Variants in DYNC1H1 observed in about 807,000 individuals in gnomAD.
DYNC1H1 encodes dynein cytoplasmic 1 heavy chain 1, also known as cytoplasmic dynein 1 heavy chain 1.
A neutral mutation model predicts 527.1 loss-of-function variants in DYNC1H1; 51 were observed. The observed-to-expected ratio is 0.10, with a 90% CI of 0.08 to 0.12. DYNC1H1 has a LOEUF of 0.12. DYNC1H1 is among the 10% of genes least tolerant of loss of function. The pLI is 1.00. For synonymous variants in DYNC1H1, 2,189 were observed against 2,278.8 expected, an observed-to-expected ratio of 0.96 and a Z score of 1.12; for missense variants, 2,771 against 5,971.8, an observed-to-expected ratio of 0.46 and a Z score of 17.66.
At chr14:102,046,712 G>A (rs1157654336) in intron 72 of DYNC1H1, among the ~76,000 whole-genome samples, 1 of 152,160 alleles carries the variant, frequency 6.6e-6, no homozygotes, top group African/African-American at 2.4e-5. Flanking sequence ...AAAGCCGGCC[G>A]GGGCTTGGCC....
intron 18 of DYNC1H1, 115 bp downstream of exon 18, chr14:102,000,514 A>G: frequency 1.1e-6 from 1 of 910,038 alleles, no homozygotes; most frequent in East Asian, 2.6e-5. Context: ...GATGTCATTT[A>G]ATGTCCTGCA....
chr14:101,978,981 G>A (rs2047832545), intron 2 of DYNC1H1, among the ~76,000 whole-genome samples: 2 of 152,198 alleles, frequency 1.3e-5, no homozygotes, highest in South Asian at 4.1e-4. Flanking sequence ...ACCTTAACCA[G>A]TGAGCAACTT....
At position 101,972,745 on chromosome 14, in the gene DYNC1H1, C is replaced by T. The variant is rs546024062; in HGVS notation, c.257-2967C>T. ...TAGAAATGATTCAGAGTTAACAAGC[C>T]ATATTTTTAGTTGCGTCAGTGATTT... is the stretch of plus-strand genomic sequence containing the variant. On this transcript the variant is annotated intron_variant, in intron 1 of 77. Coordinates refer to ENST00000360184, the MANE Select transcript of DYNC1H1 (RefSeq NM_001376.5). Among the ~76,000 whole-genome samples, 6 of 152,210 alleles carry T rather than the reference C, an allele frequency of 3.9e-5. No individual in the cohort carries two copies. The South Asian group carries it at 1.2e-3, about 32-fold the overall frequency.
chr14:102,015,269 G>A lies in DYNC1H1; in HGVS notation c.7179G>A (p.Glu2393=), dbSNP rs759580840. Residue 2393 remains glutamate, a synonymous_variant, in exon 35 of 78, where the codon GAG becomes GAA. Coordinates refer to ENST00000360184, the MANE Select transcript of DYNC1H1 (RefSeq NM_001376.5). This position sits in a 1 kb window ranked among gnomAD's most constrained non-coding sequence, Gnocchi z 6.9. The stretch of plus-strand genomic sequence containing the variant: ...TCCCGCTGGATGAAGGGGAGGATGA[G>A]GCACAGCGGCGGCGTAAGGGCAAAG... The part of the protein sequence containing the change: ...RSIPLDEGED[E]AQRRRKGKED... The A allele has an allele frequency of 3.1e-6, 5 of 1,614,216 alleles. No homozygotes were observed. Among genetic ancestry groups the A allele is most frequent in the South Asian group, 1.1e-5 (1 of 91,080 alleles).
Position 102,044,438 on chromosome 14 carries a change from G to A in DYNC1H1, c.12849G>A (p.Lys4283=), listed in dbSNP as rs751398567. The part of the protein sequence containing the change: ...FTTRSFDSEF[K]LACKVDGHKD... ...CCAGGAGTTTCGACAGTGAGTTTAA[G>A]CTGGCATGCAAGGTCGACGGACATA... The change falls in exon 71 of 78, where the codon AAG becomes AAA. Residue 4283 remains lysine (K), a synonymous_variant. Transcript: ENST00000360184. The surrounding 1 kb of genome is among the most constrained non-coding windows in gnomAD (Gnocchi z 7.1). The A allele has an allele frequency of 4.2e-5, 68 of 1,614,118 alleles. No individual in the cohort carries two copies. Among genetic ancestry groups the A allele is most frequent in the Non-Finnish European group, 5.6e-5 (66 of 1,180,056 alleles).
chr14:101,981,610 C>T (rs544124574), intron 5 of DYNC1H1, among the ~76,000 whole-genome samples: 1 of 152,158 alleles, frequency 6.6e-6, no homozygotes, highest in South Asian at 2.1e-4. Context: ...TCACTTCCCC[C>T]AAAAAACGTA....
rs552357899 is a variant in DYNC1H1 at position 102,033,251 on chromosome 14, T to C, written c.10198-18T>C. 2 of 1,614,166 alleles carry C rather than the reference T, an allele frequency of 1.2e-6. No individual in the cohort carries two copies. The highest frequency in any genetic ancestry group is 1.1e-5 in the South Asian group (1 of 91,076). The stretch of plus-strand genomic sequence containing the variant: ...TTTCCTGTCACTTAAATAACAGTTA[T>C]CAATTGGTTCTTCCCAGCTTAACTA... On this transcript the variant is annotated intron_variant, in intron 53 of 77. Transcript: ENST00000360184. This position sits in a 1 kb window ranked among gnomAD's most constrained non-coding sequence, Gnocchi z 5.6.
At chr14:102,050,368 T>C (rs2048790813) in intron 77 of DYNC1H1, 67 bp from the exon 78 acceptor site, 2 of 1,612,784 alleles carry the variant, frequency 1.2e-6, no homozygotes, top group Admixed American at 1.7e-5. Flanking sequence ...CCATCAGCTG[T>C]CCCGGGCAGT....
rs376429387 is a variant in DYNC1H1 at position 102,018,565 on chromosome 14, G to A, written c.8292G>A (p.Thr2764=). 34 of 1,613,914 alleles carry A rather than the reference G, an allele frequency of 2.1e-5. No homozygotes were observed. The highest frequency in any genetic ancestry group is 6.7e-5 in the African/African-American group (5 of 74,936). The change falls in exon 41 of 78, where the codon ACG becomes ACA. Residue 2764 remains threonine (T), a synonymous_variant. Transcript: ENST00000360184. This position sits in a 1 kb window ranked among gnomAD's most constrained non-coding sequence, Gnocchi z 5.2. ...AMLRLIPSLR[T]YAEPLTAAMV... is the part of the protein sequence containing the mutation. ...TGAGGCTCATTCCATCCCTGCGGAC[G>A]TATGCAGAGCCGCTCACTGCTGCCA...
At chr14:102,043,234 A>C in intron 69 of DYNC1H1, 1 of 256,542 alleles carries the variant, frequency 3.9e-6, no homozygotes, top group Non-Finnish European at 7.6e-6. Context: ...CAGTGAGCTG[A>C]GATCACATCA....
At chr14:102,009,771 G>GATTA (rs2048237721) in intron 29 of DYNC1H1, 72 bp from the exon 30 acceptor site, 1 of 1,609,944 alleles carries the variant, frequency 6.2e-7, no homozygotes, top group East Asian at 2.2e-5. Context: ...TGTTGTTTTA[G>GATTA]AGACATTTTA....
rs1303549763 is a variant in DYNC1H1 at position 102,054,604 on chromosome 14, T to C, written c.*4041T>C. ...TTTTTTTTGAGACGGAGTCTTGCTC[T>C]GTCGCCCAGGCTGGAGTGCAATGGT... On this transcript the variant is annotated 3_prime_UTR_variant, in exon 78 of 78. Coordinates refer to ENST00000360184, the MANE Select transcript of DYNC1H1 (RefSeq NM_001376.5). The C allele has an allele frequency of 6.8e-6, 1 of 146,930 alleles. No individual in the cohort carries two copies. The highest frequency in any genetic ancestry group is 1.5e-5 in the Non-Finnish European group (1 of 67,708). 9.1% of individuals were successfully genotyped at this position (146,930 alleles called of 1,614,324 possible).
At chr14:102,023,090 C>T in intron 43 of DYNC1H1, 1 of 715,350 alleles carries the variant, frequency 1.4e-6, no homozygotes, top group Non-Finnish European at 2.3e-6. Flanking sequence ...TAGTAAGACT[C>T]CACCTCTACA....
Position 101,986,259 on chromosome 14 carries a change from G to T in DYNC1H1, c.2034G>T (p.Glu678Asp). Residue 678 changes from glutamate (E) to aspartate (D), a missense_variant, in exon 8 of 78, where the codon GAG becomes GAT. Physicochemically the swap from Glu to Asp is conservative, Grantham distance 45. Transcript: ENST00000360184. The surrounding 1 kb of genome is among the most constrained non-coding windows in gnomAD (Gnocchi z 8.7). ...VLGKGWENHV[E>D]GQKLKQDGDS... The stretch of plus-strand genomic sequence containing the variant: ...GCAAGGGCTGGGAGAATCACGTGGA[G>T]GGGCAGAAGCTGAAGCAGGATGGAG... 6.2e-7 allele frequency: 1 copy of T among 1,614,024 alleles called. No individual in the cohort carries two copies. The highest frequency in any genetic ancestry group is 8.5e-7 in the Non-Finnish European group (1 of 1,179,964).
chr14:102,044,378 TC>T lies in DYNC1H1; in HGVS notation c.12790del (p.Leu4264CysfsTer76). The T allele has an allele frequency of 6.2e-7, 1 of 1,614,116 alleles. No homozygotes were observed. The highest frequency in any genetic ancestry group is 8.5e-7 in the Non-Finnish European group (1 of 1,180,032). On this transcript the variant is annotated frameshift_variant, in exon 71 of 78. Transcript: ENST00000360184. LOFTEE classifies it high-confidence loss of function. The surrounding 1 kb of genome is among the most constrained non-coding windows in gnomAD (Gnocchi z 7.1). ...GCGTGGACAACGAGTTTGACCAGCGTCTGCTCAACACCTTCCTGGAGCGCCT... is the reference window on the plus strand; with the variant it reads ...GCGTGGACAACGAGTTTGACCAGCGTTGCTCAACACCTTCCTGGAGCGCCT... ...GRVDNEFDQR[L>X]LNTFLERLFT...
intron 72 of DYNC1H1, among the ~76,000 whole-genome samples, chr14:102,045,616 A>G (rs1222565312): frequency 3.9e-5 from 6 of 152,156 alleles, no homozygotes; most frequent in Non-Finnish European, 5.9e-5. Context: ...GTCTCAAAAA[A>G]GAAAAAAGAA....
In DYNC1H1 at chr14:102,030,142, A is replaced by G. The variant is rs1315358683; in HGVS notation, c.9763-20A>G. 28 of 1,614,108 alleles carry G rather than the reference A, an allele frequency of 1.7e-5. No homozygotes were observed. The highest frequency in any genetic ancestry group is 2.2e-5 in the Non-Finnish European group (26 of 1,180,026). On this transcript the variant is annotated intron_variant, in intron 50 of 77. Transcript: ENST00000360184. Reference sequence around the variant, plus strand: ...ATTAACCAATGCTTAACCCATACCTAAGCCATCCCTCCTTTCTAGGTTATG... The same window carrying G: ...ATTAACCAATGCTTAACCCATACCTGAGCCATCCCTCCTTTCTAGGTTATG...
chr14:102,048,168 C>A, intron 73 of DYNC1H1, 140 bp downstream of exon 73: 1 of 1,100,678 alleles, frequency 9.1e-7, no homozygotes, highest in East Asian at 2.6e-5. Context: ...GAGCAGGTGT[C>A]CAGCTGAGCC....
chr14:102,026,108 CAA>C (rs530665556), intron 43 of DYNC1H1, among the ~76,000 whole-genome samples: 29 of 71,880 alleles, frequency 4.0e-4, no homozygotes, highest in East Asian at 3.7e-4. Context: ...AGCGAGGCTA[CAA>C]AAAAAAAAAA....
Sources: gnomAD v4.1 joint callset for allele counts (sites outside exome capture counted in the v4.1 genomes callset) on GRCh38, gnomAD v4.1.1 for gene constraint, Gnocchi (gnomAD v3.1) non-coding constraint, MANE v1.5 for transcripts, NCBI Gene and HGNC (gene_info 2026-07-23, HGNC 2026-07-21) for gene names.